The following P4HTM variants were observed in gnomAD, a reference collection of about 807,000 sequenced individuals.
P4HTM encodes the protein transmembrane prolyl 4-hydroxylase.
A neutral mutation model predicts 55.3 loss-of-function variants in P4HTM; 33 were observed. The observed-to-expected ratio is 0.60, with a 90% confidence interval of 0.45 to 0.80. The LOEUF (loss-of-function observed/expected upper bound fraction) is 0.80, where lower values mean the gene tolerates loss of function less well. Ranked by LOEUF, P4HTM falls within the 30% of genes least tolerant of loss-of-function variation. P4HTM has a pLI of 0.00. For synonymous variants in P4HTM, 272 were observed against 286.4 expected (o/e 0.95, Z 0.51); for missense variants, 542 against 696.5 (o/e 0.78, Z 2.50).
chr3:48,994,102 A>AGG (rs2092938658), intron 2 of P4HTM, among the ~76,000 whole-genome samples: 2 of 152,138 alleles, frequency 1.3e-5, no homozygotes, highest in Non-Finnish European at 2.9e-5. Flanking sequence ...GTTCCTGAAT[A>AGG]CTGTGGTATT....
At chr3:49,005,480 G>A (rs575943170) in intron 6 of P4HTM, 180 of 1,347,674 alleles carry the variant, frequency 1.3e-4, no homozygotes, top group Non-Finnish European at 1.6e-4. Flanking sequence ...GCCCTTCAGC[G>A]CGCCCTGTTG....
chr3:49,004,304 T>G (rs932374364), intron 5 of P4HTM, 44 bp downstream of exon 5: 2 of 1,507,606 alleles, frequency 1.3e-6, no homozygotes, highest in Non-Finnish European at 1.8e-6. Context: ...GGGAGAAGAC[T>G]GGGCAGGGCC....
At chr3:49,005,180 G>A in intron 6 of P4HTM, 134 bp downstream of exon 6, 23 of 1,594,568 alleles carry the variant, frequency 1.4e-5, no homozygotes, top group Non-Finnish European at 2.0e-5. Context: ...GGTTAGTGAT[G>A]CCCTCACCTC....
At chr3:49,004,075 T>C (rs2092969318) in intron 4 of P4HTM, 23 bp from the exon 5 acceptor site, 2 of 1,546,754 alleles carry the variant, frequency 1.3e-6, no homozygotes, top group South Asian at 1.2e-5. Context: ...TTGGTGGGCA[T>C]TGATGGTGGG....
Position 49,002,559 on chromosome 3 carries a change from G to C in P4HTM, c.687G>C (p.Glu229Asp). The C allele has an allele frequency of 6.2e-7, 1 of 1,614,114 alleles. No individual in the cohort carries two copies. Among genetic ancestry groups the C allele is most frequent in the Non-Finnish European group, 8.5e-7 (1 of 1,179,938 alleles). The change falls in exon 4 of 9, where the codon GAG becomes GAC. Residue 229 changes from glutamate to aspartate, a missense_variant. By Grantham distance (45) the Glu-to-Asp change is conservative. Transcript: ENST00000383729. This position sits in a 1 kb window ranked among gnomAD's most constrained non-coding sequence, Gnocchi z 4.4. The part of the protein sequence containing the change: ...GWWMTPESIQ[E>D]MYAAIKADPD... ...GGATGACTCCAGAGAGCATTCAGGA[G>C]ATGTACGCCGCGATCAAGGCTGACC...
At chr3:49,001,320 C>A in intron 2 of P4HTM, 118 bp from the exon 3 acceptor site, 1 of 874,474 alleles carries the variant, frequency 1.1e-6, no homozygotes, top group Non-Finnish European at 1.9e-6. Flanking sequence ...CTCCATCCTC[C>A]AGACCTGGTG....
At chr3:49,004,400 G>A in intron 5 of P4HTM, 140 bp downstream of exon 5, 2 of 916,600 alleles carry the variant, frequency 2.2e-6, no homozygotes, top group East Asian at 2.8e-5. Flanking sequence ...CCAGGATTGG[G>A]ACCCACTGAA....
chr3:49,003,192 T>G, intron 4 of P4HTM: 1 of 208,068 alleles, frequency 4.8e-6, no homozygotes, highest in Non-Finnish European at 9.9e-6. Context: ...GGTGTGGTCA[T>G]CACCCTCATG....
intron 2 of P4HTM, chr3:49,001,161 A>G (rs1383195534): frequency 4.0e-6 from 2 of 497,172 alleles, no homozygotes; most frequent in Non-Finnish European, 7.4e-6. Flanking sequence ...GGGTCAGCCC[A>G]TATCCAGGTT....
intron 4 of P4HTM, chr3:49,003,043 C>T: frequency 1.5e-5 from 5 of 323,638 alleles, no homozygotes; most frequent in South Asian, 1.3e-4. Flanking sequence ...CCCTTGCCTT[C>T]CTCTTGTCCA....
In P4HTM at chr3:49,006,126, G is replaced by C. The variant is rs749965454; in HGVS notation, c.1227G>C (p.Leu409=). 1 of 1,613,010 alleles carries C rather than the reference G, an allele frequency of 6.2e-7. No homozygotes were observed. Among genetic ancestry groups the C allele is most frequent in the Non-Finnish European group, 8.5e-7 (1 of 1,179,968 alleles). The change falls in exon 8 of 9, where the codon CTG becomes CTC. Residue 409 remains leucine (L), a synonymous_variant. Transcript: ENST00000383729. The part of the protein sequence containing the change: ...DTRRHCDKGN[L]RVKPQQGTAV... ...GGAGGCACTGTGACAAGGGAAACCT[G>C]CGTGTCAAGCCCCAACAGGGCACAG...
chr3:49,005,472 C>T (rs1559892060), intron 6 of P4HTM: 5 of 1,358,820 alleles, frequency 3.7e-6, no homozygotes, highest in Non-Finnish European at 3.8e-6. Flanking sequence ...CCCAAGGAGC[C>T]CTTCAGCGCG....
At position 48,999,942 on chromosome 3, in the gene P4HTM, G is replaced by A. The variant is rs1223466206; in HGVS notation, c.437-1496G>A. 4.3e-4 allele frequency among the ~76,000 whole-genome samples: 65 copies of A among 152,284 alleles called. 1 individual carries two copies. Among genetic ancestry groups the A allele is most frequent in the Admixed American group, 4.2e-3 (65 of 15,300 alleles). On this transcript the variant is annotated intron_variant, in intron 2 of 8. Transcript: ENST00000383729. This position sits in a 1 kb window ranked among gnomAD's most constrained non-coding sequence, Gnocchi z 4.8. ...GATCACACCCTTTCTGGGTTTGCTG[G>A]GGTCACGGGATCATGCAGGCCAAGA...
intron 2 of P4HTM, among the ~76,000 whole-genome samples, chr3:48,992,602 A>G (rs532236437): frequency 6.8e-5 from 10 of 147,542 alleles, no homozygotes; most frequent in Non-Finnish European, 1.2e-4. Flanking sequence ...AGAGACCCCT[A>G]TCTCAAAGAA....
Position 49,006,792 on chromosome 3 carries a change from C to A in P4HTM, c.1394C>A (p.Ala465Glu), listed in dbSNP as rs2092984448. 6.2e-7 allele frequency: 1 copy of A among 1,613,430 alleles called. No individual in the cohort carries two copies. Among genetic ancestry groups the A allele is most frequent in the African/African-American group, 1.3e-5 (1 of 74,946 alleles). ...NNWINVDPSR[A>E]RQALFQQEMA... ...TGGATTAATGTGGACCCCAGCCGAG[C>A]GCGGCAAGCGCTGTTCCAACAGGAG... The change falls in exon 9 of 9, where the codon GCG becomes GAG. Residue 465 changes from alanine to glutamate, a missense_variant. Around this residue, in one of 2 missense-constraint regions of P4HTM, gnomAD observed 536 missense variants for 672.1 expected, o/e 0.80. Coordinates refer to ENST00000383729, the MANE Select transcript of P4HTM (RefSeq NM_177939.3).
intron 2 of P4HTM, among the ~76,000 whole-genome samples, chr3:48,995,516 G>C (rs1176131204): frequency 6.6e-6 from 1 of 152,174 alleles, no homozygotes; most frequent in Non-Finnish European, 1.5e-5. Flanking sequence ...ACAAAGGTGA[G>C]CTGCATATGT....
At chr3:49,006,408 C>T (rs1559892710) in intron 8 of P4HTM, among the ~76,000 whole-genome samples, 1 of 152,248 alleles carries the variant, frequency 6.6e-6, no homozygotes, top group Non-Finnish European at 1.5e-5. Context: ...GATGCCCCAG[C>T]CTTCCTACTC....
Position 49,006,844 on chromosome 3 carries a change from C to A in P4HTM, c.1446C>A (p.Gly482=). 1.2e-6 allele frequency: 2 copies of A among 1,613,246 alleles called. No individual in the cohort carries two copies. Among genetic ancestry groups the A allele is most frequent in the Non-Finnish European group, 1.7e-6 (2 of 1,180,022 alleles). ...TGGCCCGCCTTGCCCGAGAAGGGGG[C>A]ACCGACTCACAGCCCGAGTGGGCTC... ...QEMARLAREG[G]TDSQPEWALD... is the part of the protein sequence containing the mutation. Residue 482 remains glycine (G), a synonymous_variant, in exon 9 of 9, where the codon GGC becomes GGA. Transcript: ENST00000383729.
rs577141382 is a variant in P4HTM at position 49,002,115 on chromosome 3, G to A, written c.628-385G>A. Among the ~76,000 whole-genome samples the A allele has an allele frequency of 6.6e-6, 1 of 152,338 alleles. No homozygotes were observed. Among genetic ancestry groups the A allele is most frequent in the East Asian group, 1.9e-4 (1 of 5,178 alleles). On this transcript the variant is annotated intron_variant, in intron 3 of 8. Coordinates refer to ENST00000383729, the MANE Select transcript of P4HTM (RefSeq NM_177939.3). The surrounding 1 kb of genome is among the most constrained non-coding windows in gnomAD (Gnocchi z 4.4). ...CCTGGTCTTTCTGAGGGATCTGGTG[G>A]TCATGCCCTAACCAGGTCTCCCCCT...
Sources: allele counts gnomAD v4.1 joint callset (sites outside exome capture counted in the v4.1 genomes callset), GRCh38; gene constraint gnomAD v4.1.1; regional missense constraint gnomAD v4.1.1; non-coding constraint Gnocchi (gnomAD v3.1); transcripts MANE v1.5; gene names NCBI Gene and HGNC (gene_info 2026-07-23, HGNC 2026-07-21).